The following ARID4B variants were observed in gnomAD, a reference collection of about 807,000 sequenced individuals.
The protein encoded by ARID4B is AT-rich interactive domain-containing protein 4B.
A neutral mutation model predicts 147.5 loss-of-function variants in ARID4B; 26 were observed. The observed-to-expected ratio is 0.18, with a 90% CI of 0.13 to 0.24. The LOEUF is 0.24. Ranked by LOEUF, ARID4B falls within the 10% of genes least tolerant of loss-of-function variation. The pLI is 1.00. For synonymous variants in ARID4B, 512 were observed against 507.9 expected, an observed-to-expected ratio of 1.01 and a Z score of -0.11; for missense variants, 1,179 against 1,511.5, an observed-to-expected ratio of 0.78 and a Z score of 3.65.
intron 7 of ARID4B, among the ~76,000 whole-genome samples, chr1:235,246,048 G>C (rs1436234697): frequency 6.6e-6 from 1 of 152,156 alleles, no homozygotes; most frequent in Non-Finnish European, 1.5e-5. Flanking sequence ...AAGCATTTTT[G>C]TTGAGAATTA....
intron 23 of ARID4B, among the ~76,000 whole-genome samples, chr1:235,170,946 CAA>C (rs953976564): frequency 6.8e-6 from 1 of 146,942 alleles, no homozygotes; most frequent in Non-Finnish European, 1.5e-5. Context: ...CACACACACA[CAA>C]GTGGAAGCAT....
chr1:235,265,035 G>A (rs1414813338), intron 2 of ARID4B, among the ~76,000 whole-genome samples: 13 of 140,762 alleles, frequency 9.2e-5, no homozygotes, highest in Middle Eastern at 4.3e-3. Flanking sequence ...ACTCCAGCCT[G>A]GGCAACAAGA....
chr1:235,217,437 C>CACAT (rs3835402), intron 16 of ARID4B, among the ~76,000 whole-genome samples: 19,848 of 151,760 alleles, frequency 0.13, 1,473 homozygotes, highest in African/African-American at 0.2. Flanking sequence ...TACATACACT[C>CACAT]ACATACATAC....
chr1:235,174,139 A>C (rs548026908), intron 22 of ARID4B, among the ~76,000 whole-genome samples: 38 of 151,894 alleles, frequency 2.5e-4, no homozygotes, highest in Non-Finnish European at 5.0e-4. Flanking sequence ...TGCCAGGTGC[A>C]AGCAATTCTC....
At chr1:235,263,560 C>T (rs544875510) in intron 2 of ARID4B, among the ~76,000 whole-genome samples, 12 of 152,196 alleles carry the variant, frequency 7.9e-5, no homozygotes, top group African/African-American at 2.9e-4. Context: ...TCCGTGTTGA[C>T]GGGAGAAGGG....
At chr1:235,281,834 T>C (rs899853312) in intron 2 of ARID4B, among the ~76,000 whole-genome samples, 2 of 152,188 alleles carry the variant, frequency 1.3e-5, no homozygotes, top group Non-Finnish European at 1.5e-5. Flanking sequence ...CTGTTCTTTA[T>C]ACAATTCAGA....
chr1:235,257,403 G>A lies in ARID4B; in HGVS notation c.118-178C>T, dbSNP rs560877977. The stretch of plus-strand genomic sequence containing the variant: ...TTATTTACAGACAACTGCTCAGACC[G>A]TATCTGTTTTCAAAAATAAAAGTAA... On this transcript the variant is annotated intron_variant, in intron 3 of 23. Coordinates refer to ENST00000264183, the MANE Select transcript of ARID4B (RefSeq NM_016374.6). 2.5e-4 allele frequency among the ~76,000 whole-genome samples: 38 copies of A among 151,198 alleles called. 1 individual carries two copies. In the South Asian group the frequency reaches 4.8e-3, roughly 19 times the overall value.
At chr1:235,210,996 C>T (rs1229965476) in intron 17 of ARID4B, among the ~76,000 whole-genome samples, 2 of 152,156 alleles carry the variant, frequency 1.3e-5, no homozygotes, top group African/African-American at 4.8e-5. Flanking sequence ...TGACTCAGTT[C>T]TTATATCTAC....
intron 16 of ARID4B, 56 bp from the exon 17 acceptor site, chr1:235,214,082 G>T: frequency 1.3e-6 from 2 of 1,540,154 alleles, no homozygotes; most frequent in Non-Finnish European, 1.7e-6. Context: ...AAGTTTTTCA[G>T]TTCCAAACCA....
intron 2 of ARID4B, among the ~76,000 whole-genome samples, chr1:235,316,259 G>A (rs1674421553): frequency 6.6e-6 from 1 of 152,154 alleles, no homozygotes; most frequent in Admixed American, 6.6e-5. Context: ...TGTAATTCCA[G>A]CACTTTGGAA....
intron 16 of ARID4B, among the ~76,000 whole-genome samples, chr1:235,214,525 A>G (rs1264289545): frequency 6.6e-6 from 1 of 152,176 alleles, no homozygotes; most frequent in East Asian, 1.9e-4. Context: ...GAAGTTTGAA[A>G]CAATAATTTT....
At chr1:235,256,267 C>G (rs1669985937) in intron 4 of ARID4B, among the ~76,000 whole-genome samples, 1 of 151,388 alleles carries the variant, frequency 6.6e-6, no homozygotes, top group Admixed American at 6.6e-5. Context: ...CAAATAATAC[C>G]TAAGTACTAT....
intron 2 of ARID4B, among the ~76,000 whole-genome samples, chr1:235,268,575 C>G (rs1670765029): frequency 6.6e-6 from 1 of 152,072 alleles, no homozygotes; most frequent in African/African-American, 2.4e-5. Context: ...GTTGCCCAGG[C>G]TGGAGTGCAA....
intron 7 of ARID4B, among the ~76,000 whole-genome samples, chr1:235,240,892 T>G (rs16832494): frequency 6.6e-6 from 1 of 152,124 alleles, no homozygotes; most frequent in African/African-American, 2.4e-5. Flanking sequence ...TGAGGTTAGG[T>G]TGGGAAGAGG....
chr1:235,225,793 G>A (rs1321937187), intron 11 of ARID4B, among the ~76,000 whole-genome samples: 1 of 152,124 alleles, frequency 6.6e-6, no homozygotes, highest in Admixed American at 6.5e-5. Context: ...CACTGCTTTA[G>A]CGAGATTGTC....
intron 2 of ARID4B, among the ~76,000 whole-genome samples, chr1:235,300,246 T>C (rs1343844706): frequency 6.6e-6 from 1 of 151,848 alleles, no homozygotes; most frequent in African/African-American, 2.4e-5. Context: ...CAAAACCCCA[T>C]CTCTACCAAA....
chr1:235,241,549 T>C (rs1225829617), intron 7 of ARID4B, among the ~76,000 whole-genome samples: 2 of 152,190 alleles, frequency 1.3e-5, no homozygotes, highest in Non-Finnish European at 2.9e-5. Context: ...AGGCGGAGTC[T>C]AGCTCTGTTG....
At chr1:235,173,661 T>C (rs1663532223) in intron 22 of ARID4B, among the ~76,000 whole-genome samples, 1 of 140,774 alleles carries the variant, frequency 7.1e-6, no homozygotes, top group Non-Finnish European at 1.5e-5. Context: ...CTTTGGGAAG[T>C]AGAGGTGGAA....
chr1:235,168,803 T>C (rs1663117487), intron 23 of ARID4B, 151 bp from the exon 24 acceptor site: 3 of 844,498 alleles, frequency 3.6e-6, no homozygotes, highest in Middle Eastern at 3.8e-4. Flanking sequence ...AGTTCTACGA[T>C]GTGAAGAAAG....
Sources: allele counts gnomAD v4.1 joint callset (sites outside exome capture counted in the v4.1 genomes callset), GRCh38; gene constraint gnomAD v4.1.1; transcripts MANE v1.5; gene names NCBI Gene and HGNC (gene_info 2026-07-23, HGNC 2026-07-21).